DIP2B: variants seen among roughly 807,000 people sequenced by gnomAD.
The protein encoded by DIP2B is DIP2 acetate--CoA ligase B (putative).
In DIP2B, 76 loss-of-function variants were observed where a neutral mutation model predicts 198.0. The observed-to-expected ratio is 0.38, with a 90% CI of 0.32 to 0.46. DIP2B has a LOEUF of 0.46. Among genes scored for constraint, DIP2B ranks in the 20% least tolerant of loss-of-function variants. DIP2B has a pLI of 0.99. For missense variants in DIP2B, 1,559 were observed against 1,978.4 expected, an observed-to-expected ratio of 0.79 and a Z score of 4.02; for synonymous variants, 701 against 739.1, an observed-to-expected ratio of 0.95 and a Z score of 0.84.
At chr12:50,594,131 G>T (rs906731368) in intron 1 of DIP2B, among the ~76,000 whole-genome samples, 13 of 150,398 alleles carry the variant, frequency 8.6e-5, no homozygotes, top group African/African-American at 3.2e-4. Context: ...TTTAGTAGAG[G>T]TGGGATTTCA....
In DIP2B at chr12:50,648,973, G is replaced by C. The variant is rs116013641; in HGVS notation, c.301+8121G>C. On this transcript the variant is annotated intron_variant, in intron 3 of 37. Coordinates refer to ENST00000301180, the MANE Select transcript of DIP2B (RefSeq NM_173602.3). Reference sequence around the variant, plus strand: ...CCTTAACATATGCAAATAATAAGCAGTTAAAAGATACAATAGTAGAGCAAA... The same window carrying C: ...CCTTAACATATGCAAATAATAAGCACTTAAAAGATACAATAGTAGAGCAAA... 2.0e-3 allele frequency among the ~76,000 whole-genome samples: 299 copies of C among 152,130 alleles called. 1 individual carries two copies. The highest frequency in any genetic ancestry group is 6.7e-3 in the African/African-American group (279 of 41,502).
At chr12:50,601,849 C>T (rs988881676) in intron 1 of DIP2B, among the ~76,000 whole-genome samples, 2 of 152,180 alleles carry the variant, frequency 1.3e-5, no homozygotes, top group Non-Finnish European at 2.9e-5. Context: ...GCCCAGCTTC[C>T]AATGACCCCA....
In DIP2B at chr12:50,696,029, G is replaced by T. The variant is rs113565577; in HGVS notation, c.1933+62G>T. 91 of 1,606,298 alleles carry T rather than the reference G, an allele frequency of 5.7e-5. 1 individual carries two copies. The Admixed American group carries it at 1.5e-3, about 26-fold the overall frequency. On this transcript the variant is annotated intron_variant, in intron 16 of 37. Transcript: ENST00000301180. Reference sequence around the variant, plus strand: ...GTGTTTTGATAGATTAGGGTTTTTCGCCCTGTACTAAGATATAATTCACAT... The same window carrying T: ...GTGTTTTGATAGATTAGGGTTTTTCTCCCTGTACTAAGATATAATTCACAT...
intron 4 of DIP2B, among the ~76,000 whole-genome samples, chr12:50,664,109 C>G (rs1938704679): frequency 6.6e-6 from 1 of 152,092 alleles, no homozygotes; most frequent in African/African-American, 2.4e-5. Context: ...CAGTCAGCTT[C>G]TTTGGGAGGC....
chr12:50,669,508 C>T (rs994805908), intron 4 of DIP2B, among the ~76,000 whole-genome samples: 3 of 152,100 alleles, frequency 2.0e-5, no homozygotes, highest in African/African-American at 4.8e-5. Context: ...CTGCAACCTC[C>T]GCCTCCCGGT....
At chr12:50,697,288 G>A (rs1037230576) in intron 17 of DIP2B, 113 bp downstream of exon 17, 63 of 918,154 alleles carry the variant, frequency 6.9e-5, no homozygotes, top group Non-Finnish European at 7.0e-5. Flanking sequence ...GCAGTTTCAA[G>A]CATCTCATTT....
rs1285896873 is a variant in DIP2B, at chr12:50,652,335, A to AAT, written c.302-7851_302-7850dup. On this transcript the variant is annotated intron_variant, in intron 3 of 37. Transcript: ENST00000301180. Reference sequence around the variant, plus strand: ...AAAAATATATATATTATATATATATAATATATATAATACACACACACACAC... The same window carrying AAT: ...AAAAATATATATATTATATATATATAATATATATATAATACACACACACACAC... 3.1e-4 allele frequency among the ~76,000 whole-genome samples: 33 copies of AAT among 107,006 alleles called. No individual in the cohort carries two copies. In the South Asian group the frequency reaches 0.013, roughly 41 times the overall value. The allele number at this position is 107,006 out of a possible 152,430, so 70.2% of individuals were successfully genotyped here. A position where few individuals can be genotyped will look rare whatever the true frequency, so the allele number is the denominator to read the frequency against.
intron 34 of DIP2B, among the ~76,000 whole-genome samples, chr12:50,735,474 TTTG>T (rs1170138885): frequency 7.3e-6 from 1 of 137,114 alleles, no homozygotes; most frequent in Non-Finnish European, 1.6e-5. Context: ...TTTTTTGTTT[TTTG>T]TTTTTTTTGA....
At chr12:50,505,659 C>G (rs1051203978) in intron 1 of DIP2B, among the ~76,000 whole-genome samples, 1 of 152,120 alleles carries the variant, frequency 6.6e-6, no homozygotes, top group Non-Finnish European at 1.5e-5. Flanking sequence ...TTCCAGCCCC[C>G]CCTTCCCCCT....
intron 17 of DIP2B, among the ~76,000 whole-genome samples, chr12:50,697,559 T>A (rs1056829173): frequency 1.4e-5 from 2 of 145,860 alleles, no homozygotes; most frequent in Admixed American, 6.9e-5. Flanking sequence ...TTTTTTTTTT[T>A]TAGATAGGAT....
intron 3 of DIP2B, among the ~76,000 whole-genome samples, chr12:50,650,227 A>G (rs2139499261): frequency 6.6e-6 from 1 of 152,256 alleles, no homozygotes; most frequent in East Asian, 1.9e-4. Flanking sequence ...AAAAAGTGCC[A>G]AATGAAAACA....
At chr12:50,546,530 C>T (rs1031455078) in intron 1 of DIP2B, among the ~76,000 whole-genome samples, 4 of 152,136 alleles carry the variant, frequency 2.6e-5, no homozygotes, top group Non-Finnish European at 4.4e-5. Flanking sequence ...AGAACCAGAC[C>T]AATGTAGATT....
chr12:50,735,142 T>G lies in DIP2B; in HGVS notation c.4101+12T>G. 6.2e-7 allele frequency: 1 copy of G among 1,614,158 alleles called. No individual in the cohort carries two copies. Among genetic ancestry groups the G allele is most frequent in the Non-Finnish European group, 8.5e-7 (1 of 1,180,008 alleles). ...CAGAGTCTGGAAAGGTAATTTGTTC[T>G]GTTGACCATGGGGAAGGTGGGCTGT... On this transcript the variant is annotated intron_variant, in intron 34 of 37. Coordinates refer to ENST00000301180, the MANE Select transcript of DIP2B (RefSeq NM_173602.3).
intron 12 of DIP2B, among the ~76,000 whole-genome samples, chr12:50,688,549 G>A (rs949071762): frequency 3.9e-5 from 6 of 152,204 alleles, no homozygotes; most frequent in African/African-American, 1.2e-4. Flanking sequence ...TACTCAAGGA[G>A]TCTAAGGTGG....
intron 18 of DIP2B, 70 bp from the exon 19 acceptor site, chr12:50,698,995 AG>A: frequency 6.4e-7 from 1 of 1,556,828 alleles, no homozygotes; most frequent in Non-Finnish European, 8.7e-7. Context: ...TTGGGTTCAC[AG>A]GATGAAGCTG....
At chr12:50,612,021 AAAG>A (rs1383858699) in intron 1 of DIP2B, among the ~76,000 whole-genome samples, 1 of 151,950 alleles carries the variant, frequency 6.6e-6, no homozygotes, top group African/African-American at 2.4e-5. Flanking sequence ...AAAAAAAAAA[AAAG>A]CAGATATCTT....
intron 23 of DIP2B, among the ~76,000 whole-genome samples, chr12:50,714,854 T>C (rs1939685356): frequency 6.6e-6 from 1 of 152,098 alleles, no homozygotes; most frequent in South Asian, 2.1e-4. Flanking sequence ...TGACAGAGGA[T>C]GGCTTGAGCC....
intron 1 of DIP2B, among the ~76,000 whole-genome samples, chr12:50,540,579 C>T (rs1283143585): frequency 1.7e-4 from 23 of 136,698 alleles, no homozygotes; most frequent in South Asian, 1.6e-3. Context: ...GATGGAGTCT[C>T]GCTCTGTCAC....
intron 3 of DIP2B, among the ~76,000 whole-genome samples, chr12:50,642,547 A>G (rs1938274748): frequency 6.6e-6 from 1 of 152,196 alleles, no homozygotes; most frequent in African/African-American, 2.4e-5. Context: ...GCACTTTGGG[A>G]GGCCAAGGTA....
Sources: allele counts gnomAD v4.1 joint callset (sites outside exome capture counted in the v4.1 genomes callset), GRCh38; gene constraint gnomAD v4.1.1; transcripts MANE v1.5; gene names NCBI Gene and HGNC (gene_info 2026-07-23, HGNC 2026-07-21).